The following PTAR1 variants were observed in gnomAD, a reference collection of about 807,000 sequenced individuals.
PTAR1 encodes protein prenyltransferase alpha subunit repeat-containing protein 1.
Under a neutral mutation model 45.5 loss-of-function variants are expected in PTAR1, and 17 were observed. The ratio of observed to expected loss-of-function variants is 0.37; its 90% CI spans 0.26 to 0.56. PTAR1 has a LOEUF of 0.56. PTAR1 is among the 20% of genes least tolerant of loss of function. The probability of loss-of-function intolerance (pLI) is 0.77; values close to 1 mark genes in which losing one functional copy is unlikely to be tolerated. For synonymous variants in PTAR1, 169 were observed against 171.3 expected (o/e 0.99, Z 0.11); for missense variants, 391 against 476.3 (o/e 0.82, Z 1.67).
At chr9:69,759,202 T>C (rs1033275876) in intron 1 of PTAR1, among the ~76,000 whole-genome samples, 3 of 152,240 alleles carry the variant, frequency 2.0e-5, no homozygotes, top group Non-Finnish European at 4.4e-5. Flanking sequence ...CTTGTAACTA[T>C]GAATCCGCTT....
chr9:69,732,346 C>CCAT lies in PTAR1; in HGVS notation c.432_434dup (p.Arg144_Trp145insTer). The stretch of plus-strand genomic sequence containing the variant: ...TTTCCTGAATTAGCTGTTGTAGCAC[C>CCAT]CATCGCCTGTTAAGGCAGCATGTGG... On this transcript the variant is annotated stop_gained, in exon 5 of 8. Coordinates refer to ENST00000340434, the MANE Select transcript of PTAR1 (RefSeq NM_001099666.2). LOFTEE classifies it high-confidence loss of function. The CCAT allele has an allele frequency of 6.2e-7, 1 of 1,612,352 alleles. No homozygotes were observed. Among genetic ancestry groups the CCAT allele is most frequent in the African/African-American group, 1.3e-5 (1 of 74,960 alleles).
At chr9:69,747,664 T>C (rs1033903367) in intron 2 of PTAR1, among the ~76,000 whole-genome samples, 12 of 152,214 alleles carry the variant, frequency 7.9e-5, no homozygotes, top group African/African-American at 2.4e-4. Flanking sequence ...GAGTAGAGGC[T>C]GTATGTCCCA....
chr9:69,743,078 A>C (rs922944959), intron 2 of PTAR1, among the ~76,000 whole-genome samples: 1 of 152,186 alleles, frequency 6.6e-6, no homozygotes, highest in African/African-American at 2.4e-5. Context: ...AAAACAATAC[A>C]AATAATTATT....
rs749422932 is a variant in PTAR1, at chr9:69,759,931, T to G, written c.8A>C (p.Glu3Ala). 2.7e-6 allele frequency: 4 copies of G among 1,508,372 alleles called. No individual in the cohort carries two copies. The highest frequency in any genetic ancestry group is 3.5e-6 in the Non-Finnish European group (4 of 1,128,190). The allele number at this position is 1,508,372 out of a possible 1,614,324, so 93.4% of individuals were successfully genotyped here. Residue 3 changes from glutamate to alanine, a missense_variant, in exon 1 of 8, where the codon GAG becomes GCG. By Grantham distance (107) the Glu-to-Ala change is moderately radical. Coordinates refer to ENST00000340434, the MANE Select transcript of PTAR1 (RefSeq NM_001099666.2). MA[E>A]TSEEVAVLVQ... is the part of the protein sequence containing the mutation. ...CAGCACCGCCACCTCCTCGCTGGTCTCGGCCATGTTGGCGGCGGCCGCGAC... is the reference window on the plus strand; with the variant it reads ...CAGCACCGCCACCTCCTCGCTGGTCGCGGCCATGTTGGCGGCGGCCGCGAC...
intron 2 of PTAR1, 65 bp downstream of exon 2, chr9:69,750,716 G>GCT: frequency 8.6e-7 from 1 of 1,158,630 alleles, no homozygotes. Flanking sequence ...TCAGAGAAGG[G>GCT]CTCTTCCTAC....
intron 2 of PTAR1, among the ~76,000 whole-genome samples, chr9:69,744,431 G>A (rs1192250234): frequency 6.7e-6 from 1 of 149,328 alleles, no homozygotes; most frequent in Non-Finnish European, 1.5e-5. Context: ...TGTAGTACAA[G>A]TTGGAGTGCA....
chr9:69,758,651 T>A, intron 1 of PTAR1: 1 of 386,418 alleles, frequency 2.6e-6, no homozygotes, highest in Non-Finnish European at 5.4e-6. Context: ...TCCAATTGTG[T>A]GCCACAAGGG....
Position 69,759,906 on chromosome 9 carries a change from C to T in PTAR1, c.33G>A (p.Leu11=). ...TGATGTCCTTCACAACCCGCTGCAC[C>T]AGCACCGCCACCTCCTCGCTGGTCT... MAETSEEVAV[L]VQRVVKDITN... is the part of the protein sequence containing the mutation. Residue 11 remains leucine (L), a synonymous_variant, in exon 1 of 8, where the codon CTG becomes CTA. Transcript: ENST00000340434. The T allele has an allele frequency of 6.5e-7, 1 of 1,526,730 alleles. No individual in the cohort carries two copies. The allele number at this position is 1,526,730 out of a possible 1,614,324, so 94.6% of individuals were successfully genotyped here.
intron 1 of PTAR1, chr9:69,758,697 A>G (rs1433065453): frequency 4.8e-6 from 2 of 415,858 alleles, no homozygotes; most frequent in Non-Finnish European, 9.9e-6. Context: ...CTGTTTTACA[A>G]TCATCACCTT....
intron 1 of PTAR1, among the ~76,000 whole-genome samples, chr9:69,756,277 A>C (rs1437425318): frequency 6.6e-6 from 1 of 152,172 alleles, no homozygotes; most frequent in Non-Finnish European, 1.5e-5. Context: ...CACTCAGTTT[A>C]AATGCTATTG....
chr9:69,738,089 T>G (rs1209067387), intron 3 of PTAR1, among the ~76,000 whole-genome samples: 2 of 152,222 alleles, frequency 1.3e-5, no homozygotes, highest in Non-Finnish European at 2.9e-5. Flanking sequence ...GGTAGTTATG[T>G]CTCCTTATGC....
chr9:69,727,427 G>C (rs1200688909), intron 5 of PTAR1, among the ~76,000 whole-genome samples: 1 of 151,512 alleles, frequency 6.6e-6, no homozygotes, highest in African/African-American at 2.4e-5. Flanking sequence ...TTCTGCGCTT[G>C]GCTTATTTCA....
chr9:69,746,493 C>T (rs1354809096), intron 2 of PTAR1, among the ~76,000 whole-genome samples: 2 of 152,196 alleles, frequency 1.3e-5, no homozygotes, highest in Non-Finnish European at 2.9e-5. Flanking sequence ...GTATAATCAA[C>T]GGTTGTAACT....
chr9:69,753,118 G>C (rs1459966813), intron 1 of PTAR1, among the ~76,000 whole-genome samples: 1 of 146,280 alleles, frequency 6.8e-6, no homozygotes, highest in Non-Finnish European at 1.5e-5. Flanking sequence ...CTGTTTCTGG[G>C]TATGGTTTGT....
intron 5 of PTAR1, among the ~76,000 whole-genome samples, chr9:69,728,021 T>G (rs963019820): frequency 2.0e-5 from 3 of 152,194 alleles, no homozygotes; most frequent in Non-Finnish European, 4.4e-5. Flanking sequence ...TTGCCTATTC[T>G]GAACATGTTA....
chr9:69,743,689 T>C (rs1826138562), intron 2 of PTAR1, among the ~76,000 whole-genome samples: 1 of 152,180 alleles, frequency 6.6e-6, no homozygotes. Context: ...GAAAAATAAA[T>C]ATAATATTCT....
At chr9:69,749,090 T>C (rs118033027) in intron 2 of PTAR1, among the ~76,000 whole-genome samples, 1 of 152,244 alleles carries the variant, frequency 6.6e-6, no homozygotes, top group Non-Finnish European at 1.5e-5. Flanking sequence ...AGGTTCCTTA[T>C]GAGCCTACTA....
intron 4 of PTAR1, 140 bp downstream of exon 4, chr9:69,734,010 C>T (rs1825667433): frequency 1.7e-6 from 1 of 577,250 alleles, no homozygotes; most frequent in Non-Finnish European, 3.1e-6. Flanking sequence ...TTATATAGCT[C>T]CTAGATTTAA....
rs751198592 is a variant in PTAR1, at chr9:69,723,456, T to G, written c.817A>C (p.Lys273Gln). 1.4e-5 allele frequency: 22 copies of G among 1,613,772 alleles called. No individual in the cohort carries two copies. The highest frequency in any genetic ancestry group is 1.9e-5 in the Non-Finnish European group (22 of 1,179,848). Residue 273 changes from lysine (K) to glutamine (Q), a missense_variant, in exon 6 of 8, where the codon AAA (lysine) becomes CAA (glutamine). Transcript: ENST00000340434. ...LRSEPALVPP[K>Q]DEEAAVSTEE... Reference sequence around the variant, plus strand: ...GTTGAAACTGCTGCTTCTTCATCTTTTGGAGGAACTAGGGCTGGCTCACTT... The same window carrying G: ...GTTGAAACTGCTGCTTCTTCATCTTGTGGAGGAACTAGGGCTGGCTCACTT...
Sources: allele counts gnomAD v4.1 joint callset (sites outside exome capture counted in the v4.1 genomes callset), GRCh38; gene constraint gnomAD v4.1.1; transcripts MANE v1.5; gene names NCBI Gene and HGNC (gene_info 2026-07-23, HGNC 2026-07-21).